RGSL1: variants seen among roughly 807,000 people sequenced by gnomAD.
RGSL1 encodes the protein regulator of G protein signaling like 1.
RGSL1 carries 97 observed loss-of-function variants against 124.7 expected under a neutral mutation model. The observed-to-expected ratio is 0.78, with a 90% CI of 0.66 to 0.92. RGSL1 has a LOEUF of 0.92. Ranked by LOEUF, RGSL1 falls within the 40% of genes least tolerant of loss-of-function variation. RGSL1 has a pLI of 0.00. For missense variants in RGSL1, 1,233 were observed against 1,288.4 expected (o/e 0.96, Z 0.66); for synonymous variants, 424 against 438.1 (o/e 0.97, Z 0.40).
intron 13 of RGSL1, among the ~76,000 whole-genome samples, chr1:182,531,963 CAA>C (rs1241209671): frequency 1.3e-5 from 2 of 152,156 alleles, no homozygotes; most frequent in Non-Finnish European, 2.9e-5. Context: ...GCTCCAGACT[CAA>C]AGTTTTTTAT....
chr1:182,474,414 C>T lies in RGSL1; in HGVS notation c.1303C>T (p.Leu435Phe), dbSNP rs1262882033. 6.4e-7 allele frequency: 1 copy of T among 1,552,008 alleles called. No homozygotes were observed. Among genetic ancestry groups the T allele is most frequent in the East Asian group, 2.4e-5 (1 of 40,918 alleles). The change falls in exon 6 of 22, where the codon CTC (leucine) becomes TTC (phenylalanine). Residue 435 changes from leucine to phenylalanine, a missense_variant. Coordinates refer to ENST00000294854, the MANE Select transcript of RGSL1 (RefSeq NM_001137669.2). ...CTTGCTGGGTGACAGAATCTGCGAG[C>T]TCTACCTGAATGAGCAGATTGGTCC... ...RHLLGDRICE[L>F]YLNEQIGPCL... is the part of the protein sequence containing the mutation.
intron 9 of RGSL1, among the ~76,000 whole-genome samples, chr1:182,516,318 G>A (rs905051303): frequency 3.2e-4 from 48 of 152,280 alleles, no homozygotes; most frequent in Admixed American, 5.9e-4. Context: ...AGTATTTCCC[G>A]TCTCTATCTC....
intron 6 of RGSL1, among the ~76,000 whole-genome samples, chr1:182,479,953 G>T (rs917936969): frequency 6.6e-6 from 1 of 152,042 alleles, no homozygotes; most frequent in Middle Eastern, 3.2e-3. Flanking sequence ...AAATACATAC[G>T]CACCCAACAT....
intron 9 of RGSL1, among the ~76,000 whole-genome samples, chr1:182,502,219 A>G (rs557088565): frequency 6.6e-6 from 1 of 152,292 alleles, no homozygotes; most frequent in Non-Finnish European, 1.5e-5. Context: ...CTCAGAAAGT[A>G]GATGCTTCTA....
chr1:182,472,596 A>G (rs1653939472), intron 5 of RGSL1, 39 bp downstream of exon 5: 10 of 1,480,220 alleles, frequency 6.8e-6, no homozygotes, highest in African/African-American at 1.4e-5. Flanking sequence ...GGATGCAACA[A>G]AAAAGTAAAT....
chr1:182,559,680 T>C (rs1326253116), intron 21 of RGSL1, among the ~76,000 whole-genome samples: 2 of 152,218 alleles, frequency 1.3e-5, no homozygotes, highest in Non-Finnish European at 2.9e-5. Context: ...ATTGCTAATA[T>C]GGCCTCAGTT....
In RGSL1 at chr1:182,508,232, G is replaced by A. The variant is rs986265095; in HGVS notation, c.1826-13772G>A. ...GATAAAAAGCCATTTTAACTAGGAC[G>A]AGATCATATCGCATTGTAATTTTGT... On this transcript the variant is annotated intron_variant, in intron 9 of 21. Transcript: ENST00000294854. Among the ~76,000 whole-genome samples the A allele has an allele frequency of 1.8e-4, 27 of 150,070 alleles. 1 individual carries two copies. Among genetic ancestry groups the A allele is most frequent in the Non-Finnish European group, 3.2e-4 (22 of 67,824 alleles).
intron 4 of RGSL1, among the ~76,000 whole-genome samples, chr1:182,471,643 G>A (rs1275632752): frequency 6.6e-6 from 1 of 152,118 alleles, no homozygotes; most frequent in Non-Finnish European, 1.5e-5. Flanking sequence ...CACTGGCCTG[G>A]TAGGTTGGGT....
chr1:182,496,546 A>G (rs1655926861), intron 9 of RGSL1, among the ~76,000 whole-genome samples: 1 of 152,212 alleles, frequency 6.6e-6, no homozygotes, highest in Non-Finnish European at 1.5e-5. Flanking sequence ...TTTCAAGATT[A>G]TCCTTTTCAG....
chr1:182,501,243 TCGTC>T (rs1318401959), intron 9 of RGSL1, among the ~76,000 whole-genome samples: 2 of 136,010 alleles, frequency 1.5e-5, no homozygotes, highest in Non-Finnish European at 1.6e-5. Flanking sequence ...GAGATGATTT[TCGTC>T]CTTCCTTTCT....
At chr1:182,541,098 T>C (rs1419635461) in intron 15 of RGSL1, among the ~76,000 whole-genome samples, 1 of 152,212 alleles carries the variant, frequency 6.6e-6, no homozygotes, top group Non-Finnish European at 1.5e-5. Context: ...GCTAGACAGA[T>C]TCAAATTACT....
chr1:182,491,508 C>G (rs1057175125), intron 8 of RGSL1, among the ~76,000 whole-genome samples: 14 of 152,164 alleles, frequency 9.2e-5, no homozygotes, highest in African/African-American at 2.9e-4. Flanking sequence ...AGCCACCACA[C>G]CCGACCACTA....
chr1:182,541,051 A>G (rs890071036), intron 15 of RGSL1, among the ~76,000 whole-genome samples: 5 of 152,300 alleles, frequency 3.3e-5, no homozygotes, highest in African/African-American at 1.2e-4. Flanking sequence ...AATCAGAGTA[A>G]TCGGGATATC....
chr1:182,519,846 C>G (rs924374590), intron 9 of RGSL1, among the ~76,000 whole-genome samples: 1 of 152,010 alleles, frequency 6.6e-6, no homozygotes, highest in Non-Finnish European at 1.5e-5. Context: ...TGTCATTCGA[C>G]TCATCTACTA....
chr1:182,541,446 T>C (rs10797779), intron 15 of RGSL1, among the ~76,000 whole-genome samples: 78,763 of 152,076 alleles, frequency 0.52, 20,664 homozygotes, highest in Non-Finnish European at 0.55. Flanking sequence ...TGTGTATCTG[T>C]ATACACCACA....
intron 21 of RGSL1, among the ~76,000 whole-genome samples, chr1:182,559,461 C>A (rs1661048305): frequency 6.6e-6 from 1 of 152,142 alleles, no homozygotes; most frequent in Admixed American, 6.5e-5. Flanking sequence ...CCTCTCTATC[C>A]CACTGGCACT....
intron 9 of RGSL1, among the ~76,000 whole-genome samples, chr1:182,498,211 T>G (rs533138204): frequency 4.1e-4 from 63 of 152,270 alleles, no homozygotes; most frequent in South Asian, 3.7e-3. Context: ...TGTGATTATT[T>G]TGGTGCTCAA....
rs535882623 is a variant in RGSL1, at chr1:182,476,904, A to G, written c.1431+2362A>G. ...TCTCTCACTCCCTCAGGTCTCCATT[A>G]AAGAGTCACCTTTTCAGTGAGGACT... On this transcript the variant is annotated intron_variant, in intron 6 of 21. Transcript: ENST00000294854. 6.6e-5 allele frequency among the ~76,000 whole-genome samples: 10 copies of G among 152,280 alleles called. No individual in the cohort carries two copies. In the South Asian group the frequency reaches 2.1e-3, roughly 32 times the overall value.
Position 182,532,518 on chromosome 1 carries a change from C to T in RGSL1, c.2365-144C>T. 5 of 702,406 alleles carry T rather than the reference C, an allele frequency of 7.1e-6. No individual in the cohort carries two copies. In the South Asian group the frequency reaches 1.0e-4, roughly 14 times the overall value. The allele number at this position is 702,406 out of a possible 1,614,324, so 43.5% of individuals were successfully genotyped here. A position where few individuals can be genotyped will look rare whatever the true frequency, so the allele number is the denominator to read the frequency against. On this transcript the variant is annotated intron_variant, in intron 13 of 21. Transcript: ENST00000294854. The stretch of plus-strand genomic sequence containing the variant: ...AGCTCTCTAACCTGAGTTTCCTCAC[C>T]TTTAAATTGGAGCTAAAAATTATTC...
Sources: gnomAD v4.1 joint callset for allele counts (sites outside exome capture counted in the v4.1 genomes callset) on GRCh38, gnomAD v4.1.1 for gene constraint, MANE v1.5 for transcripts, NCBI Gene and HGNC (gene_info 2026-07-23, HGNC 2026-07-21) for gene names.